TMEM150C: variants seen among roughly 807,000 people sequenced by gnomAD.
TMEM150C encodes transmembrane protein 150C.
A neutral mutation model predicts 29.9 loss-of-function variants in TMEM150C; 10 were observed. The observed-to-expected ratio is 0.33, with a 90% CI of 0.21 to 0.57. TMEM150C has a LOEUF of 0.57. Ranked by LOEUF, TMEM150C falls within the 20% of genes least tolerant of loss-of-function variation. The pLI is 0.88. For missense variants in TMEM150C, 251 were observed against 303.6 expected (o/e 0.83, Z 1.29); for synonymous variants, 101 against 112.5 (o/e 0.90, Z 0.64).
intron 1 of TMEM150C, among the ~76,000 whole-genome samples, chr4:82,518,683 C>T (rs1299778605): frequency 6.6e-6 from 1 of 152,162 alleles, no homozygotes; most frequent in Non-Finnish European, 1.5e-5. Context: ...CAGGCTCCTC[C>T]CTACTGGGGT....
At chr4:82,491,670 T>G in intron 6 of TMEM150C, 1 of 495,522 alleles carries the variant, frequency 2.0e-6, no homozygotes. Context: ...AATTTTTTAT[T>G]TTTTTTATTT....
intron 1 of TMEM150C, among the ~76,000 whole-genome samples, chr4:82,557,937 T>C (rs142092717): frequency 0.014 from 2,071 of 152,028 alleles, 39 homozygotes; most frequent in Non-Finnish European, 0.016. Flanking sequence ...TTCACTGTAT[T>C]GGCCGGGCTG....
intron 1 of TMEM150C, among the ~76,000 whole-genome samples, chr4:82,525,980 C>T (rs1044467415): frequency 1.4e-4 from 22 of 152,364 alleles, no homozygotes; most frequent in Non-Finnish European, 2.9e-4. Flanking sequence ...TCATGGCTCA[C>T]AGCAGCCTCC....
chr4:82,546,747 G>C (rs1725399201), intron 1 of TMEM150C, among the ~76,000 whole-genome samples: 1 of 151,906 alleles, frequency 6.6e-6, no homozygotes, highest in Admixed American at 6.6e-5. Flanking sequence ...AGAATGGTGT[G>C]ACCCGGGAGG....
intron 5 of TMEM150C, among the ~76,000 whole-genome samples, chr4:82,499,719 CAAAAAAAAAAAA>C (rs1197264258): frequency 2.5e-5 from 1 of 40,290 alleles, no homozygotes; most frequent in Non-Finnish European, 4.2e-5. Flanking sequence ...ACTCCGTCTC[CAAAAAAAAAAAA>C]AAAAAAAAAA....
chr4:82,529,309 G>A (rs2110082046), intron 1 of TMEM150C, among the ~76,000 whole-genome samples: 1 of 122,064 alleles, frequency 8.2e-6, no homozygotes, highest in East Asian at 2.7e-4. Flanking sequence ...TTTTTTTTGA[G>A]ACAGAGTCTT....
At chr4:82,535,721 T>A (rs1230847647) in intron 1 of TMEM150C, among the ~76,000 whole-genome samples, 2 of 152,206 alleles carry the variant, frequency 1.3e-5, no homozygotes, top group Non-Finnish European at 2.9e-5. Flanking sequence ...TTGTAGTAGG[T>A]TCTAGACTGG....
At chr4:82,501,630 C>T (rs894148059) in intron 5 of TMEM150C, among the ~76,000 whole-genome samples, 3 of 152,116 alleles carry the variant, frequency 2.0e-5, no homozygotes, top group Non-Finnish European at 4.4e-5. Flanking sequence ...ATGAGCCTGA[C>T]GGGAAACATT....
intron 1 of TMEM150C, among the ~76,000 whole-genome samples, chr4:82,553,334 C>T (rs1725641291): frequency 6.6e-6 from 1 of 152,200 alleles, no homozygotes; most frequent in Non-Finnish European, 1.5e-5. Flanking sequence ...AGCAAACAAA[C>T]TAGAAGCCGG....
At chr4:82,503,741 T>C (rs1459352935) in intron 2 of TMEM150C, among the ~76,000 whole-genome samples, 1 of 151,866 alleles carries the variant, frequency 6.6e-6, no homozygotes, top group Non-Finnish European at 1.5e-5. Flanking sequence ...TCCCATCTAC[T>C]TGGGAGGCTG....
intron 6 of TMEM150C, among the ~76,000 whole-genome samples, chr4:82,492,335 C>T (rs1723382253): frequency 6.6e-6 from 1 of 151,168 alleles, no homozygotes; most frequent in African/African-American, 2.4e-5. Flanking sequence ...ACCATGTTGA[C>T]CAGGCTGATC....
chr4:82,542,199 A>G lies in TMEM150C; in HGVS notation c.-11+19707T>C, dbSNP rs564615268. ...TATAGGAGGAAGCCAGTCAATATTT[A>G]GGAAAAGGTAAGGTTTATGGAATAA... is the stretch of plus-strand genomic sequence containing the variant. On this transcript the variant is annotated intron_variant, in intron 1 of 7. Coordinates refer to ENST00000449862, the MANE Select transcript of TMEM150C (RefSeq NM_001080506.3). Among the ~76,000 whole-genome samples the G allele has an allele frequency of 5.3e-5, 8 of 152,344 alleles. 1 individual carries two copies. Among genetic ancestry groups the G allele is most frequent in the Admixed American group, 4.6e-4 (7 of 15,298 alleles).
chr4:82,554,000 G>C (rs1725662635), intron 1 of TMEM150C, among the ~76,000 whole-genome samples: 1 of 152,150 alleles, frequency 6.6e-6, no homozygotes, highest in African/African-American at 2.4e-5. Context: ...AAGATAATCA[G>C]CTTCCTCAAG....
rs530588803 is a variant in TMEM150C, at chr4:82,498,069, C to T, written c.236-1874G>A. Among the ~76,000 whole-genome samples, 87 of 151,688 alleles carry T rather than the reference C, an allele frequency of 5.7e-4. 1 individual carries two copies. Among genetic ancestry groups the T allele is most frequent in the East Asian group, 1.9e-4 (1 of 5,186 alleles). Reference sequence around the variant, plus strand: ...TTACTCTGTTGCTCAGGCTGGAGTGCAGTGACATAATCTCAGCTCCCTGAA... The same window carrying T: ...TTACTCTGTTGCTCAGGCTGGAGTGTAGTGACATAATCTCAGCTCCCTGAA... On this transcript the variant is annotated intron_variant, in intron 5 of 7. Transcript: ENST00000449862.
At chr4:82,561,546 ACGGGGC>A (rs556865181) in intron 1 of TMEM150C, among the ~76,000 whole-genome samples, 20 of 150,292 alleles carry the variant, frequency 1.3e-4, no homozygotes, top group Middle Eastern at 3.4e-3. Context: ...CTGTCAAAGG[ACGGGGC>A]CGGGGCCGGG....
chr4:82,526,844 A>G (rs1193709132), intron 1 of TMEM150C, among the ~76,000 whole-genome samples: 1 of 152,124 alleles, frequency 6.6e-6, no homozygotes, highest in Non-Finnish European at 1.5e-5. Context: ...AGTAAAGACT[A>G]CATACTGAGC....
chr4:82,499,719 CAAAAAAAAA>C (rs1197264258), intron 5 of TMEM150C, among the ~76,000 whole-genome samples: 42 of 40,302 alleles, frequency 1.0e-3, no homozygotes, highest in Non-Finnish European at 1.5e-3. Context: ...ACTCCGTCTC[CAAAAAAAAA>C]AAAAAAAAAA....
chr4:82,513,832 G>C, intron 1 of TMEM150C, among the ~76,000 whole-genome samples: 1 of 152,218 alleles, frequency 6.6e-6, no homozygotes, highest in Non-Finnish European at 1.5e-5. Context: ...GGAAAACATG[G>C]AGGGCAAGGA....
At chr4:82,513,484 T>C (rs1005060568) in intron 1 of TMEM150C, among the ~76,000 whole-genome samples, 9 of 151,868 alleles carry the variant, frequency 5.9e-5, no homozygotes, top group Non-Finnish European at 1.2e-4. Flanking sequence ...CATGATATTT[T>C]ACCACAATTA....
Sources: gnomAD v4.1 joint callset for allele counts (sites outside exome capture counted in the v4.1 genomes callset) on GRCh38, gnomAD v4.1.1 for gene constraint, MANE v1.5 for transcripts, NCBI Gene and HGNC (gene_info 2026-07-23, HGNC 2026-07-21) for gene names.